POU6F2: variants seen among roughly 807,000 people sequenced by gnomAD.
The protein encoded by POU6F2 is POU class 6 homeobox 2.
POU6F2 carries 31 observed loss-of-function variants against 71.3 expected under a neutral mutation model. The observed-to-expected ratio is 0.43, with a 90% confidence interval of 0.33 to 0.59. The LOEUF is 0.59. POU6F2 is among the 20% of genes least tolerant of loss of function. The probability of loss-of-function intolerance (pLI) is 0.04; values close to 1 mark genes in which losing one functional copy is unlikely to be tolerated. For missense variants in POU6F2, 783 were observed against 856.8 expected (o/e 0.91, Z 1.07); for synonymous variants, 347 against 355.7 (o/e 0.98, Z 0.27).
chr7:39,063,474 G>A (rs1230147788), intron 1 of POU6F2, among the ~76,000 whole-genome samples: 1 of 152,160 alleles, frequency 6.6e-6, no homozygotes, highest in Admixed American at 6.5e-5. Flanking sequence ...TTAAACCAAT[G>A]TGTAATGAAA....
At position 39,447,867 on chromosome 7, in the gene POU6F2, G is replaced by A. The variant is rs1311532868; in HGVS notation, c.1321-3666G>A. Among the ~76,000 whole-genome samples the A allele has an allele frequency of 2.6e-5, 4 of 152,066 alleles. No homozygotes were observed. The East Asian group carries it at 7.7e-4, about 29-fold the overall frequency. On this transcript the variant is annotated intron_variant, in intron 7 of 9. Transcript: ENST00000518318. ...CAATAGTTATGCAATACAAGTATAT[G>A]TGATTTTTACAGTTAAGTCAGTGTC...
intron 4 of POU6F2, among the ~76,000 whole-genome samples, chr7:39,302,158 AC>A: frequency 6.6e-6 from 1 of 152,230 alleles, no homozygotes; most frequent in Admixed American, 6.5e-5. Context: ...TCAATTTCAC[AC>A]CCCATTCTCC....
At chr7:39,035,285 T>G (rs1172396099) in intron 1 of POU6F2, among the ~76,000 whole-genome samples, 1 of 152,102 alleles carries the variant, frequency 6.6e-6, no homozygotes, top group Non-Finnish European at 1.5e-5. Flanking sequence ...CAGTTTCCCC[T>G]CCAGAATAAA....
intron 6 of POU6F2, among the ~76,000 whole-genome samples, chr7:39,416,090 G>GTATA (rs1787665484): frequency 1.4e-5 from 1 of 69,968 alleles, no homozygotes; most frequent in South Asian, 4.7e-4. Flanking sequence ...TCTCTCGAAG[G>GTATA]CATACACACA....
intron 4 of POU6F2, among the ~76,000 whole-genome samples, chr7:39,314,798 A>G (rs751841130): frequency 3.3e-5 from 5 of 152,238 alleles, no homozygotes; most frequent in Non-Finnish European, 7.3e-5. Context: ...CTGAATAAAA[A>G]AAGAATTGTT....
At chr7:39,107,513 C>T (rs1791716661) in intron 2 of POU6F2, among the ~76,000 whole-genome samples, 1 of 151,982 alleles carries the variant, frequency 6.6e-6, no homozygotes, top group African/African-American at 2.4e-5. Flanking sequence ...TAAAGACCAA[C>T]AATTTGTTTA....
At chr7:39,459,636 C>T (rs916311891) in intron 8 of POU6F2, among the ~76,000 whole-genome samples, 3 of 152,090 alleles carry the variant, frequency 2.0e-5, no homozygotes, top group African/African-American at 7.2e-5. Context: ...CACCTAAGTC[C>T]GAGGAATGAG....
At chr7:39,223,405 T>C (rs1046300239) in intron 4 of POU6F2, among the ~76,000 whole-genome samples, 1 of 152,178 alleles carries the variant, frequency 6.6e-6, no homozygotes. Context: ...TGAAAGAACA[T>C]TTCTTTTTAC....
chr7:39,013,658 T>C (rs915797076), intron 1 of POU6F2: 6 of 152,226 alleles, frequency 3.9e-5, no homozygotes, highest in Admixed American at 1.3e-4. Context: ...GATTCCGGCA[T>C]GATAATGATA....
intron 4 of POU6F2, among the ~76,000 whole-genome samples, chr7:39,271,702 G>A (rs539140308): frequency 1.1e-4 from 17 of 152,218 alleles, no homozygotes; most frequent in Admixed American, 3.9e-4. Context: ...ACAACTTTCC[G>A]TCAGTAACAT....
chr7:39,046,064 A>G (rs926213048), intron 1 of POU6F2, among the ~76,000 whole-genome samples: 1 of 151,912 alleles, frequency 6.6e-6, no homozygotes, highest in Non-Finnish European at 1.5e-5. Context: ...ACCATTTTAC[A>G]TTAGCATCAG....
chr7:39,339,314 A>C (rs901878796), intron 4 of POU6F2, among the ~76,000 whole-genome samples: 2 of 152,230 alleles, frequency 1.3e-5, no homozygotes, highest in African/African-American at 4.8e-5. Flanking sequence ...TGTATTTCCC[A>C]TGCAGTATGG....
intron 8 of POU6F2, among the ~76,000 whole-genome samples, chr7:39,454,773 A>C (rs1788761404): frequency 7.2e-6 from 1 of 138,372 alleles, no homozygotes; most frequent in South Asian, 2.4e-4. Context: ...TATCACCAAA[A>C]CTTTGGTCAA....
At chr7:39,395,955 A>G (rs944027320) in intron 5 of POU6F2, among the ~76,000 whole-genome samples, 7 of 152,252 alleles carry the variant, frequency 4.6e-5, no homozygotes, top group African/African-American at 1.7e-4. Context: ...CAAAACCAGA[A>G]AGAGTAATTT....
intron 6 of POU6F2, among the ~76,000 whole-genome samples, chr7:39,428,175 A>T (rs1211627961): frequency 1.3e-5 from 2 of 152,228 alleles, no homozygotes; most frequent in African/African-American, 4.8e-5. Flanking sequence ...TTCTTATGGA[A>T]ATGGGGATCT....
chr7:39,300,715 G>C (rs992765574), intron 4 of POU6F2, among the ~76,000 whole-genome samples: 2 of 152,080 alleles, frequency 1.3e-5, no homozygotes, highest in Non-Finnish European at 2.9e-5. Context: ...CCTTCCCTCT[G>C]TCCACGTCCA....
intron 1 of POU6F2, among the ~76,000 whole-genome samples, chr7:39,014,373 C>G (rs994787563): frequency 3.3e-5 from 5 of 151,946 alleles, no homozygotes; most frequent in African/African-American, 9.7e-5. Context: ...AGAGCAGATG[C>G]TATAACTATA....
chr7:38,985,812 G>A (rs1788448896), intron 1 of POU6F2, among the ~76,000 whole-genome samples: 2 of 152,184 alleles, frequency 1.3e-5, no homozygotes, highest in African/African-American at 4.8e-5. Context: ...AATACAAGAG[G>A]TGTTTGTAGT....
intron 4 of POU6F2, among the ~76,000 whole-genome samples, chr7:39,323,001 C>T (rs1785427303): frequency 6.6e-6 from 1 of 151,916 alleles, no homozygotes; most frequent in African/African-American, 2.4e-5. Flanking sequence ...GAAGAATAAG[C>T]TGAAGTCATC....
Sources: gnomAD v4.1 joint callset for allele counts (sites outside exome capture counted in the v4.1 genomes callset) on GRCh38, gnomAD v4.1.1 for gene constraint, MANE v1.5 for transcripts, NCBI Gene and HGNC (gene_info 2026-07-23, HGNC 2026-07-21) for gene names.